The following GRAMD1C variants were observed in gnomAD, a reference collection of about 807,000 sequenced individuals.
GRAMD1C encodes the protein GRAM domain containing 1C, also known as protein Aster-C.
GRAMD1C carries 89 observed loss-of-function variants against 97.8 expected under a neutral mutation model. The observed-to-expected ratio is 0.91, with a 90% CI of 0.77 to 1.09. The LOEUF (loss-of-function observed/expected upper bound fraction) is 1.09. Ranked by LOEUF, GRAMD1C falls within the 50% of genes least tolerant of loss-of-function variation. The pLI is 0.00. For missense variants in GRAMD1C, 740 were observed against 766.4 expected (o/e 0.97, Z 0.41); for synonymous variants, 256 against 267.0 (o/e 0.96, Z 0.40).
chr3:113,931,346 T>C (rs1476045642), intron 11 of GRAMD1C, among the ~76,000 whole-genome samples: 1 of 151,106 alleles, frequency 6.6e-6, no homozygotes, highest in Non-Finnish European at 1.5e-5. Context: ...TCATTTCTTC[T>C]CTTTCATATA....
chr3:113,828,968 C>G (rs1266658203), intron 1 of GRAMD1C, among the ~76,000 whole-genome samples: 1 of 152,198 alleles, frequency 6.6e-6, no homozygotes, highest in African/African-American at 2.4e-5. Flanking sequence ...ACTAGATTTA[C>G]AAACATTTAA....
At chr3:113,934,576 G>T in intron 13 of GRAMD1C, 41 bp downstream of exon 13, 1 of 859,800 alleles carries the variant, frequency 1.2e-6, no homozygotes, top group South Asian at 1.6e-5. Context: ...GTAAAGATGG[G>T]ATTTATTAAC....
intron 6 of GRAMD1C, chr3:113,885,307 A>G: frequency 6.4e-7 from 1 of 1,559,026 alleles, no homozygotes; most frequent in Non-Finnish European, 8.8e-7. Context: ...GATGGTGCGG[A>G]CGCAGTGTCT....
chr3:113,909,550 A>C (rs1936490320), intron 9 of GRAMD1C, among the ~76,000 whole-genome samples: 2 of 152,330 alleles, frequency 1.3e-5, no homozygotes, highest in South Asian at 4.1e-4. Context: ...GTTAATGACC[A>C]GGTGTCTCTG....
In GRAMD1C at chr3:113,939,811, T is replaced by C. The variant is rs866305825; in HGVS notation, c.1692-75T>C. ...TAGACAATACACATTTTTGAAGCTT[T>C]TGCATGTATATTCTGCATTAGCAAT... On this transcript the variant is annotated intron_variant, in intron 15 of 17. Transcript: ENST00000358160. 142 of 766,384 alleles carry C rather than the reference T, an allele frequency of 1.9e-4. 3 individuals are homozygous for C. The highest frequency in any genetic ancestry group is 1.8e-3 in the South Asian group (118 of 66,504). The allele number at this position is 766,384 out of a possible 1,614,324, so 47.5% of individuals were successfully genotyped here. A position where few individuals can be genotyped will look rare whatever the true frequency, so the allele number is the denominator to read the frequency against.
At chr3:113,908,690 C>T (rs1350307692) in intron 8 of GRAMD1C, among the ~76,000 whole-genome samples, 1 of 152,148 alleles carries the variant, frequency 6.6e-6, no homozygotes, top group East Asian at 1.9e-4. Flanking sequence ...AAGTGATTTA[C>T]ATGATCTGTG....
chr3:113,877,650 C>T (rs1456345695), intron 5 of GRAMD1C, among the ~76,000 whole-genome samples: 2 of 152,190 alleles, frequency 1.3e-5, no homozygotes, highest in East Asian at 3.8e-4. Flanking sequence ...ACCACTACAT[C>T]CTATCAGATG....
intron 13 of GRAMD1C, 134 bp downstream of exon 13, chr3:113,934,669 C>T: frequency 3.7e-6 from 2 of 545,558 alleles, no homozygotes; most frequent in East Asian, 3.2e-5. Flanking sequence ...GTGGTTCCCA[C>T]TGTCCCACTT....
intron 1 of GRAMD1C, among the ~76,000 whole-genome samples, chr3:113,840,792 G>T (rs116534759): frequency 0.012 from 1,821 of 152,282 alleles, 35 homozygotes; most frequent in African/African-American, 0.042. Flanking sequence ...TACACTATGT[G>T]TGGCACAATA....
chr3:113,876,813 AAG>A (rs1164913167), intron 5 of GRAMD1C, among the ~76,000 whole-genome samples: 9 of 151,934 alleles, frequency 5.9e-5, no homozygotes, highest in Non-Finnish European at 1.2e-4. Context: ...AGTGATGAGA[AAG>A]AAAAAGAATA....
chr3:113,834,354 A>G (rs892552857), upstream of GRAMD1C, among the ~76,000 whole-genome samples: 2 of 151,614 alleles, frequency 1.3e-5, no homozygotes, highest in African/African-American at 4.8e-5. Context: ...TAATTTTTGC[A>G]TTTTAGTAGA....
chr3:113,850,733 T>G, intron 2 of GRAMD1C: 1 of 1,486,282 alleles, frequency 6.7e-7, no homozygotes, highest in Non-Finnish European at 9.3e-7. Flanking sequence ...CATCAACATC[T>G]CCGCTGCTGT....
At chr3:113,854,338 A>G (rs142997692) in intron 2 of GRAMD1C, among the ~76,000 whole-genome samples, 4 of 152,174 alleles carry the variant, frequency 2.6e-5, no homozygotes, top group African/African-American at 9.7e-5. Flanking sequence ...AAATATGGAT[A>G]GAGAAGAGAA....
intron 6 of GRAMD1C, among the ~76,000 whole-genome samples, chr3:113,884,360 T>C (rs574034387): frequency 6.6e-6 from 1 of 152,124 alleles, no homozygotes; most frequent in African/African-American, 2.4e-5. Context: ...AAATAACCAA[T>C]GGGTGAAAGA....
In GRAMD1C at chr3:113,936,248, T is replaced by TG; in HGVS notation, c.1457-17dup. On this transcript the variant is annotated splice_polypyrimidine_tract_variant and intron_variant, in intron 13 of 17. Coordinates refer to ENST00000358160, the MANE Select transcript of GRAMD1C (RefSeq NM_017577.5). Reference sequence around the variant, plus strand: ...GGAGCTTTCCTCACTATATAAAGATTGTTTTTTTTTTTCTTAGAATCAGAT... The same window carrying TG: ...GGAGCTTTCCTCACTATATAAAGATTGGTTTTTTTTTTTCTTAGAATCAGAT... 7.1e-7 allele frequency: 1 copy of TG among 1,399,324 alleles called. No individual in the cohort carries two copies. Among genetic ancestry groups the TG allele is most frequent in the South Asian group, 1.2e-5 (1 of 81,302 alleles). The allele number at this position is 1,399,324 out of a possible 1,614,324, so 86.7% of individuals were successfully genotyped here. A position where few individuals can be genotyped will look rare whatever the true frequency, so the allele number is the denominator to read the frequency against.
chr3:113,843,049 G>GT (rs71144092), intron 1 of GRAMD1C, among the ~76,000 whole-genome samples: 16,916 of 53,324 alleles, frequency 0.32, 5,282 homozygotes, highest in Non-Finnish European at 0.41. Flanking sequence ...ACCATAAGCT[G>GT]TTTTTTTTTT....
chr3:113,895,904 C>T (rs1448524008), intron 6 of GRAMD1C, among the ~76,000 whole-genome samples: 3 of 152,178 alleles, frequency 2.0e-5, no homozygotes, highest in Admixed American at 6.6e-5. Flanking sequence ...CTCTTTTTAA[C>T]ACCTGATCTG....
chr3:113,892,386 C>T (rs150898684), intron 6 of GRAMD1C, among the ~76,000 whole-genome samples: 2,091 of 152,176 alleles, frequency 0.014, 44 homozygotes, highest in African/African-American at 0.047. Context: ...GCAGGAGAAT[C>T]GCTTGAACCT....
intron 10 of GRAMD1C, among the ~76,000 whole-genome samples, chr3:113,929,254 G>A (rs1037434952): frequency 6.6e-6 from 1 of 152,164 alleles, no homozygotes; most frequent in Non-Finnish European, 1.5e-5. Context: ...TGGTTCATAT[G>A]TCCTTTTGCG....
Sources: gnomAD v4.1 joint callset for allele counts (sites outside exome capture counted in the v4.1 genomes callset) on GRCh38, gnomAD v4.1.1 for gene constraint, MANE v1.5 for transcripts, NCBI Gene and HGNC (gene_info 2026-07-23, HGNC 2026-07-21) for gene names.